Variants in EOGT observed in about 807,000 individuals in gnomAD.
EOGT encodes EGF domain specific O-linked N-acetylglucosamine transferase.
A neutral mutation model predicts 70.5 loss-of-function variants in EOGT; 55 were observed. The ratio of observed to expected loss-of-function variants is 0.78; its 90% CI spans 0.63 to 0.98. The LOEUF is 0.98. Among genes scored for constraint, EOGT ranks in the 50% least tolerant of loss-of-function variants. The probability of loss-of-function intolerance (pLI) is 0.00; values close to 1 mark genes in which losing one functional copy is unlikely to be tolerated. For synonymous variants in EOGT, 246 were observed against 217.1 expected, an observed-to-expected ratio of 1.13 and a Z score of -1.17; for missense variants, 703 against 641.9, an observed-to-expected ratio of 1.10 and a Z score of -1.03.
At chr3:68,997,878 C>T (rs2091194175) in intron 10 of EOGT, 133 bp downstream of exon 10, 1 of 603,312 alleles carries the variant, frequency 1.7e-6, no homozygotes, top group Non-Finnish European at 2.9e-6. Flanking sequence ...GATACATTCG[C>T]ACCCATCCGC....
chr3:69,010,372 T>G (rs560568855), intron 3 of EOGT, among the ~76,000 whole-genome samples: 1 of 152,344 alleles, frequency 6.6e-6, no homozygotes, highest in African/African-American at 2.4e-5. Context: ...TTACAAAAAT[T>G]ATGGAAGGGC....
Position 69,007,494 on chromosome 3 carries a change from A to G in EOGT, c.420+219T>C, listed in dbSNP as rs1179181062. 1.0e-4 allele frequency among the ~76,000 whole-genome samples: 6 copies of G among 59,094 alleles called. No individual in the cohort carries two copies. In the South Asian group the frequency reaches 2.9e-3, roughly 29 times the overall value. The allele number at this position is 59,094 out of a possible 152,430, so 38.8% of individuals were successfully genotyped here. On this transcript the variant is annotated intron_variant, in intron 6 of 17. Transcript: ENST00000383701. ...TGGCGAAACCCCACCTTTACTAAAA[A>G]TATAAAAATTAGCGGGGGGGGGTGG...
chr3:68,996,908 G>T (rs2091165350), intron 10 of EOGT, among the ~76,000 whole-genome samples: 1 of 152,158 alleles, frequency 6.6e-6, no homozygotes, highest in Admixed American at 6.5e-5. Context: ...TCTCCTTATT[G>T]TAATTGTCAC....
At chr3:69,007,842 T>C in intron 5 of EOGT, 21 bp from the exon 6 acceptor site, 2 of 1,545,276 alleles carry the variant, frequency 1.3e-6, no homozygotes, top group Non-Finnish European at 1.8e-6. Context: ...ATAAAAATAT[T>C]CTGTGTTTTT....
At chr3:68,997,181 C>T (rs1380758657) in intron 10 of EOGT, among the ~76,000 whole-genome samples, 2 of 152,222 alleles carry the variant, frequency 1.3e-5, no homozygotes, top group Non-Finnish European at 2.9e-5. Context: ...TCACTCAACA[C>T]ATGCATTTAT....
chr3:68,994,084 A>C (rs1261678025), intron 10 of EOGT, among the ~76,000 whole-genome samples: 2 of 152,144 alleles, frequency 1.3e-5, no homozygotes, highest in Admixed American at 1.3e-4. Context: ...TAAATTTAAA[A>C]ATTAGCCAGA....
At chr3:69,004,505 G>A (rs764698520) in intron 7 of EOGT, 23 bp from the exon 8 acceptor site, 1 of 1,556,406 alleles carries the variant, frequency 6.4e-7, no homozygotes. Flanking sequence ...AAAACATTAA[G>A]TTAAGTTCAG....
At chr3:69,002,708 G>A (rs1021993302) in intron 8 of EOGT, among the ~76,000 whole-genome samples, 2 of 151,314 alleles carry the variant, frequency 1.3e-5, no homozygotes, top group African/African-American at 4.9e-5. Flanking sequence ...AGGCTGGAGT[G>A]CAGTGGTGCA....
intron 8 of EOGT, among the ~76,000 whole-genome samples, chr3:69,002,204 A>G (rs1413350624): frequency 6.6e-6 from 1 of 152,186 alleles, no homozygotes; most frequent in Non-Finnish European, 1.5e-5. Context: ...CAGATTCTCC[A>G]GGCCCAGGTT....
chr3:68,978,526 T>C (rs1369482153), intron 16 of EOGT, 91 bp from the exon 17 acceptor site: 3 of 769,038 alleles, frequency 3.9e-6, no homozygotes, highest in African/African-American at 3.6e-5. Context: ...AGCTCCCAAA[T>C]ATGTCCTTGC....
rs557801015 is a variant in EOGT, at chr3:68,987,738, G to C, written c.1084-225C>G. 6.7e-4 allele frequency: 373 copies of C among 557,040 alleles called. 1 individual carries two copies. The highest frequency in any genetic ancestry group is 1.1e-3 in the Non-Finnish European group (335 of 316,240). The allele number at this position is 557,040 out of a possible 1,614,324, so 34.5% of individuals were successfully genotyped here. A position where few individuals can be genotyped will look rare whatever the true frequency, so the allele number is the denominator to read the frequency against. On this transcript the variant is annotated intron_variant, in intron 13 of 17. Coordinates refer to ENST00000383701, the MANE Select transcript of EOGT (RefSeq NM_001278689.2). ...AGCTCATTACATTGTCTGTTTGGTTGGGTGGGTGAATTTTTTGGCAGGGGT... is the reference window on the plus strand; with the variant it reads ...AGCTCATTACATTGTCTGTTTGGTTCGGTGGGTGAATTTTTTGGCAGGGGT...
intron 13 of EOGT, among the ~76,000 whole-genome samples, 183 bp downstream of exon 13, chr3:68,988,112 G>T (rs1002699205): frequency 6.6e-6 from 1 of 152,084 alleles, no homozygotes; most frequent in African/African-American, 2.4e-5. Flanking sequence ...ATGGGGTTTT[G>T]CCATGTTGGC....
At chr3:69,005,080 C>A in intron 7 of EOGT, 60 bp downstream of exon 7, 2 of 1,005,350 alleles carry the variant, frequency 2.0e-6, no homozygotes, top group Non-Finnish European at 3.0e-6. Context: ...AAAAAAAAAT[C>A]CCTGGATCTG....
chr3:69,009,047 C>A (rs988379418), intron 4 of EOGT, among the ~76,000 whole-genome samples: 1 of 152,198 alleles, frequency 6.6e-6, no homozygotes, highest in Non-Finnish European at 1.5e-5. Context: ...CTGCAAGGCC[C>A]CAGGAGCAAT....
chr3:68,990,348 CTTTTTTTTTTT>C (rs56046605), intron 10 of EOGT, among the ~76,000 whole-genome samples: 1 of 107,892 alleles, frequency 9.3e-6, no homozygotes, highest in Admixed American at 1.0e-4. Context: ...TTACCACATG[CTTTTTTTTTTT>C]TTTTTTTTTT....
chr3:69,010,927 C>A (rs1457233459), intron 3 of EOGT, among the ~76,000 whole-genome samples: 1 of 152,190 alleles, frequency 6.6e-6, no homozygotes, highest in East Asian at 1.9e-4. Context: ...ACTCATTGCC[C>A]TTGTGAAGCT....
At chr3:69,010,423 G>C (rs890511581) in intron 3 of EOGT, among the ~76,000 whole-genome samples, 4 of 152,194 alleles carry the variant, frequency 2.6e-5, no homozygotes, top group Admixed American at 2.6e-4. Context: ...ACTAAATAAA[G>C]TAATATGATA....
chr3:68,999,086 C>G (rs2091232450), intron 9 of EOGT, among the ~76,000 whole-genome samples: 1 of 152,156 alleles, frequency 6.6e-6, no homozygotes, highest in Non-Finnish European at 1.5e-5. Flanking sequence ...CCAGCACAGC[C>G]AAGCATGCGC....
chr3:69,005,568 AC>A (rs2091419027), intron 6 of EOGT, among the ~76,000 whole-genome samples: 1 of 152,118 alleles, frequency 6.6e-6, no homozygotes, highest in Admixed American at 6.6e-5. Flanking sequence ...CAGTACTACT[AC>A]CCCCACAGCT....
Sources: gnomAD v4.1 joint callset for allele counts (sites outside exome capture counted in the v4.1 genomes callset) on GRCh38, gnomAD v4.1.1 for gene constraint, MANE v1.5 for transcripts, NCBI Gene and HGNC (gene_info 2026-07-23, HGNC 2026-07-21) for gene names.